MATR3: variants seen among roughly 807,000 people sequenced by gnomAD.
The protein encoded by MATR3 is matrin-3.
Under a neutral mutation model 85.5 loss-of-function variants are expected in MATR3, and 4 were observed. The ratio of observed to expected loss-of-function variants is 0.05; its 90% CI spans 0.02 to 0.11. The LOEUF (loss-of-function observed/expected upper bound fraction) is 0.11. Among genes scored for constraint, MATR3 ranks in the 10% least tolerant of loss-of-function variants. The probability of loss-of-function intolerance (pLI) is 1.00; values close to 1 mark genes in which losing one functional copy is unlikely to be tolerated. For synonymous variants in MATR3, 336 were observed against 343.1 expected (o/e 0.98, Z 0.23); for missense variants, 685 against 1,016.1 (o/e 0.67, Z 4.43).
chr5:139,306,080 A>G (rs779549607), intron 1 of MATR3, among the ~76,000 whole-genome samples: 12 of 152,168 alleles, frequency 7.9e-5, no homozygotes, highest in Non-Finnish European at 1.6e-4. Flanking sequence ...TTCTGTACCA[A>G]ACAACTTCAG....
chr5:139,319,257 G>A (rs1755416098), intron 8 of MATR3, 77 bp from the exon 9 acceptor site: 1 of 1,445,746 alleles, frequency 6.9e-7, no homozygotes, highest in Non-Finnish European at 9.7e-7. Context: ...AAAACAATTG[G>A]TAAAGACTAG....
chr5:139,286,555 G>A (rs531409978), intron 3 of MATR3, among the ~76,000 whole-genome samples: 2 of 151,404 alleles, frequency 1.3e-5, no homozygotes, highest in South Asian at 2.1e-4. Context: ...TAGGAATAAT[G>A]GTACGTTGGC....
intron 2 of MATR3, chr5:139,313,476 T>C (rs1755097635): frequency 1.3e-5 from 2 of 152,186 alleles, no homozygotes; most frequent in South Asian, 4.1e-4. Flanking sequence ...GATTCACATC[T>C]TTGTAATTTG....
intron 1 of MATR3, 80 bp downstream of exon 1, chr5:139,293,885 CAG>C (rs1753983401): frequency 7.8e-6 from 7 of 892,942 alleles, no homozygotes; most frequent in Non-Finnish European, 1.0e-5. Flanking sequence ...ACGACGGCGA[CAG>C]GGGCTGCGGG....
At chr5:139,303,228 C>T (rs1754543227) in intron 1 of MATR3, among the ~76,000 whole-genome samples, 3 of 152,110 alleles carry the variant, frequency 2.0e-5, no homozygotes, top group Admixed American at 2.0e-4. Flanking sequence ...TAGCCTCCCA[C>T]GTAGGTGGGA....
intron 9 of MATR3, among the ~76,000 whole-genome samples, chr5:139,320,142 C>T (rs990011467): frequency 6.6e-6 from 1 of 151,262 alleles, no homozygotes; most frequent in African/African-American, 2.4e-5. Context: ...CCCCCTCTCT[C>T]CTAAAAATAC....
chr5:139,322,039 A>G lies in MATR3; in HGVS notation c.1734+10A>G. On this transcript the variant is annotated intron_variant, in intron 10 of 14. Transcript: ENST00000394805. The stretch of plus-strand genomic sequence containing the variant: ...AAAACTGGTTCTGAGGGTATGTAGT[A>G]TTTGATTTGTCATCATTTAACAGCT... 8.1e-6 allele frequency: 13 copies of G among 1,613,848 alleles called. No homozygotes were observed. Among genetic ancestry groups the G allele is most frequent in the Non-Finnish European group, 1.1e-5 (13 of 1,179,808 alleles).
At chr5:139,277,346 G>A (rs1294538320) in intron 2 of MATR3, among the ~76,000 whole-genome samples, 1 of 152,084 alleles carries the variant, frequency 6.6e-6, no homozygotes, top group Non-Finnish European at 1.5e-5. Context: ...ACCCTCGGTT[G>A]CTGTGAAAAG....
chr5:139,330,756 T>G lies in MATR3; in HGVS notation c.*1361T>G, dbSNP rs1897581. Reference sequence around the variant, plus strand: ...TTAGTTCTGCAGCTTTTCAAAATAATTACGTAGAGACTCTTGGTATATTGG... The same window carrying G: ...TTAGTTCTGCAGCTTTTCAAAATAAGTACGTAGAGACTCTTGGTATATTGG... On this transcript the variant is annotated 3_prime_UTR_variant, in exon 15 of 15. Coordinates refer to ENST00000394805, the MANE Select transcript of MATR3 (RefSeq NM_018834.6). 1.3e-5 allele frequency: 6 copies of G among 454,122 alleles called. No homozygotes were observed. The highest frequency in any genetic ancestry group is 1.2e-4 in the African/African-American group (6 of 50,138). 28.1% of individuals were successfully genotyped at this position (454,122 alleles called of 1,614,324 possible).
chr5:139,303,125 C>T (rs1754537117), intron 1 of MATR3, among the ~76,000 whole-genome samples: 1 of 150,868 alleles, frequency 6.6e-6, no homozygotes, highest in African/African-American at 2.4e-5. Context: ...TTTTTTGAGA[C>T]GATGTTTGCT....
At chr5:139,308,871 T>A (rs557817906) in intron 2 of MATR3, among the ~76,000 whole-genome samples, 1 of 152,336 alleles carries the variant, frequency 6.6e-6, no homozygotes, top group East Asian at 1.9e-4. Flanking sequence ...TTAATTTCCC[T>A]TTAACACAAA....
chr5:139,300,662 T>G (rs1376413103), intron 1 of MATR3, among the ~76,000 whole-genome samples: 1 of 152,330 alleles, frequency 6.6e-6, no homozygotes, highest in East Asian at 1.9e-4. Context: ...TTAGACTAAT[T>G]TATTAAGTCT....
intron 1 of MATR3, among the ~76,000 whole-genome samples, chr5:139,296,673 A>T (rs765461487): frequency 6.6e-6 from 1 of 152,266 alleles, no homozygotes; most frequent in Non-Finnish European, 1.5e-5. Context: ...GGTATAAGCA[A>T]ACACAGGAAT....
In MATR3 at chr5:139,294,168, C is replaced by G. The variant is rs1398636160; in HGVS notation, c.-178+363C>G. 7.3e-6 allele frequency: 6 copies of G among 822,986 alleles called. No homozygotes were observed. In the East Asian group the frequency reaches 1.7e-4, roughly 23 times the overall value. 51.0% of individuals were successfully genotyped at this position (822,986 alleles called of 1,614,324 possible). A position where few individuals can be genotyped will look rare whatever the true frequency, so the allele number is the denominator to read the frequency against. ...GTGGGCGGGGGCGGGACGACTAGCC[C>G]GTTACACGCGGGCCGCGGCGCTGAG... is the stretch of plus-strand genomic sequence containing the variant. On this transcript the variant is annotated intron_variant, in intron 1 of 14. Transcript: ENST00000394805.
chr5:139,278,908 T>C (rs1753406043), intron 2 of MATR3: 1 of 517,322 alleles, frequency 1.9e-6, no homozygotes, highest in Non-Finnish European at 3.8e-6. Context: ...TGAGTACCTT[T>C]GGGCAGTGTT....
upstream of MATR3, among the ~76,000 whole-genome samples, chr5:139,289,029 G>A (rs1342528811): frequency 6.6e-6 from 1 of 152,020 alleles, no homozygotes. Context: ...TGATTTGCCC[G>A]TCTCAGCCTC....
chr5:139,290,162 A>G (rs1182534593), upstream of MATR3, among the ~76,000 whole-genome samples: 2 of 147,782 alleles, frequency 1.4e-5, no homozygotes, highest in Non-Finnish European at 3.0e-5. Context: ...CTCTTTTTTC[A>G]CTGCATCCAC....
rs371113041 is a variant in MATR3 at position 139,322,981 on chromosome 5, C to G, written c.2148+14C>G. 1 of 1,542,424 alleles carries G rather than the reference C, an allele frequency of 6.5e-7. No homozygotes were observed. Among genetic ancestry groups the G allele is most frequent in the African/African-American group, 1.3e-5 (1 of 74,098 alleles). Reference sequence around the variant, plus strand: ...AAGCTTAAAAAGGTAAAGAAAGATACATTGATTTGTTTTAATAGAACATTA... The same window carrying G: ...AAGCTTAAAAAGGTAAAGAAAGATAGATTGATTTGTTTTAATAGAACATTA... On this transcript the variant is annotated intron_variant, in intron 12 of 14. Coordinates refer to ENST00000394805, the MANE Select transcript of MATR3 (RefSeq NM_018834.6).
rs1755815289 is a variant in MATR3, at chr5:139,325,599, A to C, written c.2308A>C (p.Lys770Gln). The stretch of plus-strand genomic sequence containing the variant: ...CGCAGATGGTCAAAGTGATGAGAAC[A>C]AGGACGACTATACAATCCCAGATGA... ...ENADGQSDEN[K>Q]DDYTIPDEYR... Residue 770 changes from lysine to glutamine, a missense_variant, in exon 13 of 15, where the codon AAG (lysine) becomes CAG (glutamine). Lys to Gln is a moderately conservative substitution (Grantham distance 53). Coordinates refer to ENST00000394805, the MANE Select transcript of MATR3 (RefSeq NM_018834.6). The C allele has an allele frequency of 6.2e-7, 1 of 1,614,122 alleles. No homozygotes were observed. The highest frequency in any genetic ancestry group is 8.5e-7 in the Non-Finnish European group (1 of 1,180,052).
Sources: gnomAD v4.1 joint callset for allele counts (sites outside exome capture counted in the v4.1 genomes callset) on GRCh38, gnomAD v4.1.1 for gene constraint, MANE v1.5 for transcripts, NCBI Gene and HGNC (gene_info 2026-07-23, HGNC 2026-07-21) for gene names.